Variants in KAZN observed in about 807,000 individuals in gnomAD.
KAZN encodes kazrin, periplakin interacting protein.
Under a neutral mutation model 87.4 loss-of-function variants are expected in KAZN, and 40 were observed. The ratio of observed to expected loss-of-function variants is 0.46; its 90% CI spans 0.36 to 0.60. The LOEUF is 0.60. KAZN is among the 20% of genes least tolerant of loss of function. The pLI, the probability that KAZN is intolerant of heterozygous loss-of-function variation, is 0.00. For synonymous variants in KAZN, 466 were observed against 458.3 expected (o/e 1.02, Z -0.22); for missense variants, 898 against 1,073.9 (o/e 0.84, Z 2.29).
rs151180352 is a variant in KAZN at position 14,820,196 on chromosome 1, C to T, written c.227-140488C>T. On this transcript the variant is annotated intron_variant, in intron 1 of 14. Coordinates refer to ENST00000376030, the MANE Select transcript of KAZN (RefSeq NM_201628.3). This position sits in a 1 kb window ranked among gnomAD's most constrained non-coding sequence, Gnocchi z 4.1. ...GGGCCCATGAACTCACATTCTGTGACGTTCACACAGAGGGGCTGGTGCTGC... is the reference window on the plus strand; with the variant it reads ...GGGCCCATGAACTCACATTCTGTGATGTTCACACAGAGGGGCTGGTGCTGC... 5.4e-3 allele frequency among the ~76,000 whole-genome samples: 825 copies of T among 152,250 alleles called. 11 individuals are homozygous for T. Among genetic ancestry groups the T allele is most frequent in the African/African-American group, 0.019 (791 of 41,552 alleles).
intron 2 of KAZN, among the ~76,000 whole-genome samples, chr1:14,183,822 T>C (rs1260694420): frequency 6.6e-6 from 1 of 152,016 alleles, no homozygotes; most frequent in East Asian, 1.9e-4. Context: ...TGCTAAAGGG[T>C]AGAGAACTTT....
chr1:14,223,187 T>C (rs555818559), intron 2 of KAZN: 1 of 152,294 alleles, frequency 6.6e-6, no homozygotes, highest in Non-Finnish European at 1.5e-5. Context: ...TGGTCCACAG[T>C]CACAGGACAA....
At chr1:14,207,605 T>C (rs1364197233) in intron 2 of KAZN, among the ~76,000 whole-genome samples, 1 of 152,218 alleles carries the variant, frequency 6.6e-6, no homozygotes, top group Non-Finnish European at 1.5e-5. Flanking sequence ...ATCAAAAATA[T>C]ATTGTTTTAA....
rs117363340 is a variant in KAZN at position 14,003,974 on chromosome 1, T to A, written c.91+110218T>A. Among the ~76,000 whole-genome samples, 263 of 152,202 alleles carry A rather than the reference T, an allele frequency of 1.7e-3. 5 individuals carry two copies. The East Asian group carries it at 0.042, about 24-fold the overall frequency. ...ATGGAAAAAGACATTTGCAATATAT[T>A]TGACAAAAGACTCATTTACATAATA... On this transcript the variant is annotated intron_variant, in intron 1 of 16. Coordinates refer to the KAZN transcript ENST00000636203.
intron 2 of KAZN, among the ~76,000 whole-genome samples, chr1:14,560,211 G>A (rs1465994396): frequency 6.6e-6 from 1 of 152,146 alleles, no homozygotes; most frequent in African/African-American, 2.4e-5. Flanking sequence ...ATGACAATTA[G>A]TAGAGAAGGT....
At position 14,806,028 on chromosome 1, in the gene KAZN, G is replaced by A. The variant is rs968348768; in HGVS notation, c.227-154656G>A. Reference sequence around the variant, plus strand: ...GAATTCTTCCTCTTAGGAGGAACAGGCAAAGCATCTCTTGTTTCAGTGTTC... The same window carrying A: ...GAATTCTTCCTCTTAGGAGGAACAGACAAAGCATCTCTTGTTTCAGTGTTC... On this transcript the variant is annotated intron_variant, in intron 1 of 14. Transcript: ENST00000376030. Among the ~76,000 whole-genome samples, 3 of 152,290 alleles carry A rather than the reference G, an allele frequency of 2.0e-5. 1 individual carries two copies. In the South Asian group the frequency reaches 6.2e-4, roughly 32 times the overall value.
intron 1 of KAZN, among the ~76,000 whole-genome samples, chr1:14,751,165 A>G (rs1046410534): frequency 8.5e-5 from 13 of 152,060 alleles, no homozygotes; most frequent in Non-Finnish European, 1.8e-4. Context: ...TTTTATGTTC[A>G]CCCTAAATTC....
chr1:14,697,140 C>CAAAAAA (rs1172632955), intron 1 of KAZN, among the ~76,000 whole-genome samples: 5 of 67,776 alleles, frequency 7.4e-5, no homozygotes, highest in African/African-American at 2.5e-4. Context: ...AACAAACCAA[C>CAAAAAA]AAAAAAAAAA....
intron 1 of KAZN, among the ~76,000 whole-genome samples, chr1:14,812,062 A>C (rs1646427344): frequency 6.6e-6 from 1 of 151,860 alleles, no homozygotes; most frequent in South Asian, 2.1e-4. Context: ...GAACTGCTTA[A>C]GATGTTAGAA....
intron 2 of KAZN, among the ~76,000 whole-genome samples, chr1:14,534,441 T>C (rs928275373): frequency 2.6e-5 from 4 of 152,068 alleles, no homozygotes; most frequent in African/African-American, 9.7e-5. Flanking sequence ...GGTCAGGAGT[T>C]CAAGACCAGC....
intron 1 of KAZN, among the ~76,000 whole-genome samples, chr1:14,100,960 C>T (rs929913009): frequency 1.3e-5 from 2 of 152,218 alleles, no homozygotes; most frequent in Non-Finnish European, 2.9e-5. Context: ...TCTCCCTTTG[C>T]CTGCTGTCAT....
At chr1:14,256,661 G>A (rs902962061) in intron 2 of KAZN, among the ~76,000 whole-genome samples, 1 of 152,124 alleles carries the variant, frequency 6.6e-6, no homozygotes, top group African/African-American at 2.4e-5. Context: ...GTGTGATTGT[G>A]GCAACTGATT....
chr1:14,151,356 T>C (rs985324694), intron 1 of KAZN, among the ~76,000 whole-genome samples: 2 of 152,202 alleles, frequency 1.3e-5, no homozygotes, highest in African/African-American at 4.8e-5. Context: ...AAAGGCCATT[T>C]CTTAGCTGTT....
chr1:14,566,370 C>T (rs1212851319), intron 2 of KAZN, among the ~76,000 whole-genome samples: 5 of 152,158 alleles, frequency 3.3e-5, no homozygotes, highest in Non-Finnish European at 4.4e-5. Flanking sequence ...TACAGATATG[C>T]TGTCATTCAG....
At chr1:14,234,848 A>G (rs989978623) in intron 2 of KAZN, among the ~76,000 whole-genome samples, 1 of 152,250 alleles carries the variant, frequency 6.6e-6, no homozygotes, top group East Asian at 1.9e-4. Flanking sequence ...AACCTTTCAG[A>G]TATGTATACT....
chr1:14,681,400 GGTGAGGTTGCCC>G (rs373831228), intron 1 of KAZN, among the ~76,000 whole-genome samples: 160 of 151,670 alleles, frequency 1.1e-3, no homozygotes, highest in African/African-American at 3.8e-3. Flanking sequence ...GGACTGGAAT[GGTGAGGTTGCCC>G]GTGGGTGACT....
At chr1:14,444,719 A>G (rs542784437) in intron 2 of KAZN, among the ~76,000 whole-genome samples, 1 of 152,132 alleles carries the variant, frequency 6.6e-6, no homozygotes, top group Non-Finnish European at 1.5e-5. Context: ...CCTGGAGTGC[A>G]TGAGATTTCT....
rs915996434 is a variant in KAZN, at chr1:13,986,217, G to A, written c.91+92461G>A. Reference sequence around the variant, plus strand: ...TGAAAGGATGTCAAAATTTGATCACGACATAAGATGATAAAACTGTAAATA... The same window carrying A: ...TGAAAGGATGTCAAAATTTGATCACAACATAAGATGATAAAACTGTAAATA... On this transcript the variant is annotated intron_variant, in intron 1 of 16. Coordinates refer to the KAZN transcript ENST00000636203. Among the ~76,000 whole-genome samples the A allele has an allele frequency of 3.9e-5, 6 of 152,120 alleles. No homozygotes were observed. The South Asian group carries it at 8.3e-4, about 21-fold the overall frequency.
In KAZN at chr1:14,820,444, C is replaced by T. The variant is rs1185224806; in HGVS notation, c.227-140240C>T. ...GCAGCCATGGCAAATGGGATGTGTC[C>T]CACTGCCCCCGTTTGGTGCCACAGT... On this transcript the variant is annotated intron_variant, in intron 1 of 14. Transcript: ENST00000376030. The surrounding 1 kb of genome is among the most constrained non-coding windows in gnomAD (Gnocchi z 4.1). 6.6e-6 allele frequency among the ~76,000 whole-genome samples: 1 copy of T among 152,210 alleles called. No individual in the cohort carries two copies.
Sources: gnomAD v4.1 joint callset for allele counts (sites outside exome capture counted in the v4.1 genomes callset) on GRCh38, gnomAD v4.1.1 for gene constraint, Gnocchi (gnomAD v3.1) non-coding constraint, MANE v1.5 for transcripts, NCBI Gene and HGNC (gene_info 2026-07-23, HGNC 2026-07-21) for gene names.